Variants in ARFIP1 observed in about 807,000 individuals in gnomAD.
ARFIP1 encodes arfaptin-1.
A neutral mutation model predicts 42.5 loss-of-function variants in ARFIP1; 24 were observed. That is an observed-to-expected ratio of 0.57 (90% CI 0.41 to 0.80). The LOEUF (loss-of-function observed/expected upper bound fraction) is 0.80. Among genes scored for constraint, ARFIP1 ranks in the 30% least tolerant of loss-of-function variants. The pLI is 0.00. For missense variants in ARFIP1, 354 were observed against 434.0 expected (o/e 0.82, Z 1.64); for synonymous variants, 141 against 153.7 (o/e 0.92, Z 0.61).
intron 1 of ARFIP1, among the ~76,000 whole-genome samples, chr4:152,813,245 T>C (rs7687630): frequency 0.83 from 125,492 of 152,104 alleles, 51,919 homozygotes; most frequent in Non-Finnish European, 0.85. Context: ...TATCCAAATA[T>C]TACATCATTT....
At position 152,879,875 on chromosome 4, in the gene ARFIP1, T is replaced by C. The variant is rs189828269; in HGVS notation, c.412-1088T>C. 5.3e-5 allele frequency among the ~76,000 whole-genome samples: 8 copies of C among 149,684 alleles called. No individual in the cohort carries two copies. The East Asian group carries it at 1.5e-3, about 29-fold the overall frequency. On this transcript the variant is annotated intron_variant, in intron 5 of 8. Coordinates refer to ENST00000353617, the MANE Select transcript of ARFIP1 (RefSeq NM_001025595.3). Reference sequence around the variant, plus strand: ...AAACAAAACAAAACAAAACAAAAAATTGTAGTACTTATTTACTACTTTTTA... The same window carrying C: ...AAACAAAACAAAACAAAACAAAAAACTGTAGTACTTATTTACTACTTTTTA...
chr4:152,892,087 T>A (rs1561176043), intron 8 of ARFIP1, among the ~76,000 whole-genome samples: 1 of 152,102 alleles, frequency 6.6e-6, no homozygotes. Flanking sequence ...TGCTTTTTTT[T>A]AAAGATACTG....
rs61135783 is a variant in ARFIP1, at chr4:152,808,283, A to ATTTTTTTTTTT, written c.-9-21318_-9-21308dup. On this transcript the variant is annotated intron_variant, in intron 1 of 8. Transcript: ENST00000353617. ...GTGTGAGCCACCACGCCTGGCCTCC[A>ATTTTTTTTTTT]TTTTTTTTTTTTTTTTTTTTTTTTT... Among the ~76,000 whole-genome samples, 55 of 20,320 alleles carry ATTTTTTTTTTT rather than the reference A, an allele frequency of 2.7e-3. 4 individuals carry two copies. Among genetic ancestry groups the ATTTTTTTTTTT allele is most frequent in the African/African-American group, 4.8e-3 (30 of 6,206 alleles). The allele number at this position is 20,320 out of a possible 152,430, so 13.3% of individuals were successfully genotyped here.
intron 2 of ARFIP1, among the ~76,000 whole-genome samples, chr4:152,832,787 A>T (rs1561129600): frequency 6.6e-6 from 1 of 152,190 alleles, no homozygotes; most frequent in Non-Finnish European, 1.5e-5. Flanking sequence ...TCTTCCTCTC[A>T]TGTAAATATT....
intron 1 of ARFIP1, chr4:152,796,867 T>C (rs966748163): frequency 1.7e-5 from 8 of 482,570 alleles, no homozygotes; most frequent in African/African-American, 1.2e-4. Context: ...GAAGCAGCCC[T>C]TGGGGTGCAA....
chr4:152,867,875 C>T (rs1734541323), intron 3 of ARFIP1, among the ~76,000 whole-genome samples: 1 of 152,150 alleles, frequency 6.6e-6, no homozygotes, highest in African/African-American at 2.4e-5. Flanking sequence ...AATAATCATT[C>T]TGCTGCTATA....
At chr4:152,780,796 T>C (rs1730441541) in intron 1 of ARFIP1, among the ~76,000 whole-genome samples, 1 of 152,250 alleles carries the variant, frequency 6.6e-6, no homozygotes, top group Non-Finnish European at 1.5e-5. Context: ...TTTGCCAAGT[T>C]ACTACTGTTT....
At chr4:152,898,914 G>A (rs1356888654) in intron 8 of ARFIP1, among the ~76,000 whole-genome samples, 1 of 152,180 alleles carries the variant, frequency 6.6e-6, no homozygotes, top group Non-Finnish European at 1.5e-5. Context: ...AAGAGTAATT[G>A]TTTTGTCCTA....
chr4:152,871,468 A>G (rs1734877334), intron 4 of ARFIP1, among the ~76,000 whole-genome samples: 1 of 152,166 alleles, frequency 6.6e-6, no homozygotes, highest in Admixed American at 6.5e-5. Context: ...GTTAACATTT[A>G]TATTTTGTTT....
At chr4:152,890,081 A>G (rs1736718645) in intron 8 of ARFIP1, among the ~76,000 whole-genome samples, 1 of 151,514 alleles carries the variant, frequency 6.6e-6, no homozygotes, top group Non-Finnish European at 1.5e-5. Flanking sequence ...CCCTATCATC[A>G]CTACACAATA....
In ARFIP1 at chr4:152,862,391, C is replaced by T. The variant is rs956294445; in HGVS notation, c.94-1215C>T. Among the ~76,000 whole-genome samples, 7 of 151,772 alleles carry T rather than the reference C, an allele frequency of 4.6e-5. No individual in the cohort carries two copies. The Middle Eastern group carries it at 0.01, about 221-fold the overall frequency. Reference sequence around the variant, plus strand: ...TACATTATAAATTGTTGTATACTTTCCTCTTTGATTGCATATTGCCTTCAC... The same window carrying T: ...TACATTATAAATTGTTGTATACTTTTCTCTTTGATTGCATATTGCCTTCAC... On this transcript the variant is annotated intron_variant, in intron 2 of 8. Coordinates refer to ENST00000353617, the MANE Select transcript of ARFIP1 (RefSeq NM_001025595.3).
At chr4:152,885,840 C>T (rs1736214888) in intron 7 of ARFIP1, among the ~76,000 whole-genome samples, 1 of 151,764 alleles carries the variant, frequency 6.6e-6, no homozygotes. Context: ...CTTCTAGATA[C>T]CCCTCTTCTA....
intron 2 of ARFIP1, among the ~76,000 whole-genome samples, chr4:152,863,137 T>C (rs573379915): frequency 2.8e-4 from 43 of 152,298 alleles, no homozygotes; most frequent in African/African-American, 9.4e-4. Flanking sequence ...CTCACCCTGA[T>C]TGAAGTCAGA....
chr4:152,858,273 T>G (rs1211273656), intron 2 of ARFIP1, among the ~76,000 whole-genome samples: 3 of 152,130 alleles, frequency 2.0e-5, no homozygotes, highest in Admixed American at 1.3e-4. Flanking sequence ...GCCTGGGTGA[T>G]AGAGCCAGAC....
At chr4:152,861,807 G>A (rs532449609) in intron 2 of ARFIP1, among the ~76,000 whole-genome samples, 2 of 152,188 alleles carry the variant, frequency 1.3e-5, no homozygotes, top group East Asian at 3.9e-4. Context: ...TATATTTAAT[G>A]TATGGCTATA....
chr4:152,802,474 C>T (rs1204353804), intron 1 of ARFIP1, among the ~76,000 whole-genome samples: 3 of 152,084 alleles, frequency 2.0e-5, no homozygotes, highest in African/African-American at 4.8e-5. Flanking sequence ...ATAACCTGAA[C>T]ATTGGAAATA....
At chr4:152,851,287 A>C (rs1361014572) in intron 2 of ARFIP1, among the ~76,000 whole-genome samples, 1 of 152,218 alleles carries the variant, frequency 6.6e-6, no homozygotes, top group Non-Finnish European at 1.5e-5. Flanking sequence ...CAAGTATAGC[A>C]TGGTCTGAGT....
chr4:152,872,379 A>C, intron 4 of ARFIP1, 73 bp from the exon 5 acceptor site: 1 of 958,112 alleles, frequency 1.0e-6, no homozygotes, highest in Non-Finnish European at 1.6e-6. Context: ...CAATTTGAAC[A>C]ATATCAGGGT....
rs71595203 is a variant in ARFIP1 at position 152,889,498 on chromosome 4, CATATATAT to C, written c.966+1221_966+1228del. The stretch of plus-strand genomic sequence containing the variant: ...CACATAAGATTGCATTCATTTTAGT[CATATATAT>C]ATATATATATATATATATATATATA... On this transcript the variant is annotated intron_variant, in intron 8 of 8. Coordinates refer to ENST00000353617, the MANE Select transcript of ARFIP1 (RefSeq NM_001025595.3). Among the ~76,000 whole-genome samples, 219 of 42,780 alleles carry C rather than the reference CATATATAT, an allele frequency of 5.1e-3. 5 individuals carry two copies. The highest frequency in any genetic ancestry group is 0.012 in the African/African-American group (177 of 14,844). 28.1% of individuals were successfully genotyped at this position (42,780 alleles called of 152,430 possible).
Sources: gnomAD v4.1 joint callset for allele counts (sites outside exome capture counted in the v4.1 genomes callset) on GRCh38, gnomAD v4.1.1 for gene constraint, MANE v1.5 for transcripts, NCBI Gene and HGNC (gene_info 2026-07-23, HGNC 2026-07-21) for gene names.